The following NUP210L variants were observed in gnomAD, a reference collection of about 807,000 sequenced individuals.
The protein encoded by NUP210L is nucleoporin 210 like, also known as nuclear pore membrane glycoprotein 210-like.
NUP210L carries 74 observed loss-of-function variants against 208.5 expected under a neutral mutation model. The ratio of observed to expected loss-of-function variants is 0.35; its 90% CI spans 0.29 to 0.43. The LOEUF is 0.43. NUP210L is among the 20% of genes least tolerant of loss of function. NUP210L has a pLI of 1.00. For synonymous variants in NUP210L, 780 were observed against 816.9 expected (o/e 0.95, Z 0.77); for missense variants, 1,843 against 2,289.4 (o/e 0.81, Z 3.98).
chr1:154,092,555 T>A (rs1056829340), intron 15 of NUP210L, among the ~76,000 whole-genome samples: 4 of 151,140 alleles, frequency 2.6e-5, no homozygotes, highest in African/African-American at 9.7e-5. Context: ...TTTTTGTTTT[T>A]TTTTTTTTTT....
At chr1:154,041,632 A>G (rs1247942442) in intron 27 of NUP210L, among the ~76,000 whole-genome samples, 3 of 151,950 alleles carry the variant, frequency 2.0e-5, no homozygotes, top group Non-Finnish European at 4.4e-5. Context: ...AATACATTAA[A>G]TGAAAACTAG....
Position 154,012,000 on chromosome 1 carries a change from G to A in NUP210L, c.4780+244C>T, listed in dbSNP as rs148464452. ...GCTGGGATTATAGGTGTAAGCCACC[G>A]CGCCCGGCCTAAAATTTGTATTTTT... On this transcript the variant is annotated intron_variant, in intron 34 of 39. Coordinates refer to ENST00000368559, the Ensembl canonical transcript of NUP210L. Among the ~76,000 whole-genome samples the A allele has an allele frequency of 6.8e-3, 1,041 of 152,040 alleles. 14 individuals carry two copies. The highest frequency in any genetic ancestry group is 0.024 in the African/African-American group (998 of 41,474).
At chr1:154,105,709 G>C (rs1341460305) in intron 12 of NUP210L, among the ~76,000 whole-genome samples, 1 of 152,194 alleles carries the variant, frequency 6.6e-6, no homozygotes, top group Non-Finnish European at 1.5e-5. Context: ...GCCATAGTGA[G>C]GTAGAGCACC....
intron 2 of NUP210L, among the ~76,000 whole-genome samples, chr1:154,144,442 G>A (rs1659021339): frequency 6.6e-6 from 1 of 152,136 alleles, no homozygotes; most frequent in African/African-American, 2.4e-5. Context: ...TGTGGGCCAT[G>A]AGATTAAAAA....
At chr1:154,067,592 C>T (rs1654482370) in intron 17 of NUP210L, among the ~76,000 whole-genome samples, 1 of 152,054 alleles carries the variant, frequency 6.6e-6, no homozygotes, top group Non-Finnish European at 1.5e-5. Flanking sequence ...AAGTTCTGGC[C>T]AGGACAATCA....
At chr1:154,018,217 C>T (rs1436141858) in intron 33 of NUP210L, among the ~76,000 whole-genome samples, 1 of 152,078 alleles carries the variant, frequency 6.6e-6, no homozygotes, top group Non-Finnish European at 1.5e-5. Flanking sequence ...GGTGATCCTC[C>T]CACTTTGGCT....
intron 3 of NUP210L, 46 bp downstream of exon 3, chr1:154,143,400 T>C: frequency 2.5e-6 from 4 of 1,579,208 alleles, no homozygotes; most frequent in Non-Finnish European, 3.5e-6. Flanking sequence ...TAAACAGATA[T>C]TACTTTATTT....
chr1:154,049,027 C>T (rs936606731), intron 25 of NUP210L, among the ~76,000 whole-genome samples: 1 of 152,112 alleles, frequency 6.6e-6, no homozygotes, highest in Non-Finnish European at 1.5e-5. Context: ...GATAAACATC[C>T]TCCCTGTGAA....
At chr1:154,142,069 A>G (rs1349825061) in intron 3 of NUP210L, among the ~76,000 whole-genome samples, 1 of 148,678 alleles carries the variant, frequency 6.7e-6, no homozygotes, top group Non-Finnish European at 1.5e-5. Flanking sequence ...AGGTAGGAGG[A>G]TTGCTTGAGC....
intron 8 of NUP210L, 108 bp from the exon 9 acceptor site, chr1:154,127,525 TAGATGG>T: frequency 2.3e-6 from 1 of 435,386 alleles, no homozygotes. Context: ...AATTTACTAA[TAGATGG>T]AGATGGTTTC....
At chr1:154,032,988 G>GAAAAGAAAAGAAAGAAAGAAA (rs1553225005) in intron 27 of NUP210L, among the ~76,000 whole-genome samples, 1 of 124,444 alleles carries the variant, frequency 8.0e-6, no homozygotes, top group Non-Finnish European at 1.8e-5. Context: ...GAAAAGAAAA[G>GAAAAGAAAAGAAAGAAAGAAA]AAAAGAAAGA....
intron 2 of NUP210L, among the ~76,000 whole-genome samples, chr1:154,150,941 A>C (rs1379512661): frequency 7.2e-5 from 11 of 152,084 alleles, no homozygotes. Context: ...TAGGACACCA[A>C]GACTGGCCCT....
At chr1:154,127,473 G>T in intron 8 of NUP210L, 56 bp from the exon 9 acceptor site, 2 of 797,946 alleles carry the variant, frequency 2.5e-6, no homozygotes, top group Non-Finnish European at 4.0e-6. Flanking sequence ...TTTCTACAAC[G>T]AATTTAAAAA....
intron 23 of NUP210L, 79 bp from the exon 24 acceptor site, chr1:154,054,911 T>G (rs1259409319): frequency 9.6e-7 from 1 of 1,045,314 alleles, no homozygotes; most frequent in Non-Finnish European, 1.5e-6. Context: ...TTAAATTTTT[T>G]TTTTTTTTAG....
intron 12 of NUP210L, among the ~76,000 whole-genome samples, chr1:154,105,511 C>T (rs541378924): frequency 2.8e-4 from 42 of 151,832 alleles, no homozygotes; most frequent in Admixed American, 1.7e-3. Context: ...GCCCTTGGGC[C>T]TTGAATAAAC....
intron 22 of NUP210L, 38 bp from the exon 23 acceptor site, chr1:154,056,985 T>C (rs1361906466): frequency 1.2e-6 from 2 of 1,600,038 alleles, no homozygotes; most frequent in Non-Finnish European, 1.7e-6. Flanking sequence ...AGAAAGATTT[T>C]TGTTTTGTTT....
Position 153,993,094 on chromosome 1 carries a change from A to G in NUP210L, c.5492-5T>C, listed in dbSNP as rs1428878335. ...TGTTTAGGAAGGCATTGTATGCTGGAAAAAGGACAGGAAATGTCACAAGGC... is the reference window on the plus strand; with the variant it reads ...TGTTTAGGAAGGCATTGTATGCTGGGAAAAGGACAGGAAATGTCACAAGGC... On this transcript the variant is annotated splice_region_variant and splice_polypyrimidine_tract_variant and intron_variant, in intron 38 of 39. Coordinates refer to ENST00000368559, the Ensembl canonical transcript of NUP210L. 1.2e-6 allele frequency: 2 copies of G among 1,607,248 alleles called. No homozygotes were observed. Among genetic ancestry groups the G allele is most frequent in the Non-Finnish European group, 8.5e-7 (1 of 1,176,234 alleles).
intron 27 of NUP210L, among the ~76,000 whole-genome samples, chr1:154,035,852 G>A (rs6656452): frequency 0.011 from 1,739 of 152,070 alleles, 33 homozygotes; most frequent in African/African-American, 0.04. Context: ...TCCTGCCTCA[G>A]CCTTCCAAGT....
intron 10 of NUP210L, among the ~76,000 whole-genome samples, chr1:154,120,333 T>C (rs1271549602): frequency 6.6e-6 from 1 of 152,138 alleles, no homozygotes; most frequent in Non-Finnish European, 1.5e-5. Flanking sequence ...TGTAGGGACA[T>C]GGATGAAGCT....
Sources: allele counts gnomAD v4.1 joint callset (sites outside exome capture counted in the v4.1 genomes callset), GRCh38; gene constraint gnomAD v4.1.1; transcripts MANE v1.5; gene names NCBI Gene and HGNC (gene_info 2026-07-23, HGNC 2026-07-21).